The following TTN variants were observed in gnomAD, a reference collection of about 807,000 sequenced individuals.
TTN encodes connectin.
A neutral mutation model predicts 3,223.0 loss-of-function variants in TTN; 1,525 were observed. The observed-to-expected ratio is 0.47, with a 90% CI of 0.45 to 0.49. TTN has a LOEUF of 0.49. TTN is among the 20% of genes least tolerant of loss of function. The probability of loss-of-function intolerance (pLI) is 0.00; values close to 1 mark genes in which losing one functional copy is unlikely to be tolerated. For missense variants in TTN, 40,786 were observed against 43,424.0 expected (o/e 0.94, Z 5.40); for synonymous variants, 14,094 against 15,161.0 (o/e 0.93, Z 5.17).
chr2:178,688,219 C>T lies in TTN; in HGVS notation c.32203G>A (p.Ala10735Thr). ...RVEVTRHEVS[A>T]EEEWSYSEEE... is the part of the protein sequence containing the mutation. ...TCTGAGTAACTCCATTCCTCCTCTG[C>T]AGATACTTTAAAAGATAAGGTTTCA... The change falls in exon 127 of 363, where the codon GCA becomes ACA. Residue 10735 changes from alanine (A) to threonine (T), a missense_variant. Coordinates refer to ENST00000589042, the MANE Select transcript of TTN (RefSeq NM_001267550.2). 1.2e-6 allele frequency: 2 copies of T among 1,612,036 alleles called. No individual in the cohort carries two copies. The highest frequency in any genetic ancestry group is 1.7e-6 in the Non-Finnish European group (2 of 1,179,430).
At position 178,735,817 on chromosome 2, in the gene TTN, T is replaced by G. The variant is rs375193984; in HGVS notation, c.14629A>C (p.Ile4877Leu). The stretch of plus-strand genomic sequence containing the variant: ...ATGATGATCAACTCTGCTTGGCAGA[T>G]GTCTGCTCCAAACTTGTTGGAAGCC... ...CKASNKFGADICQAELIIIDK... is the reference protein window; with the variant it reads ...CKASNKFGADLCQAELIIIDK... Residue 4877 changes from isoleucine (I) to leucine (L), a missense_variant, in exon 50 of 363, where the codon ATC becomes CTC. Physicochemically the swap from Ile to Leu is conservative, Grantham distance 5. Transcript: ENST00000589042. The G allele has an allele frequency of 1.9e-6, 3 of 1,613,650 alleles. No individual in the cohort carries two copies. The highest frequency in any genetic ancestry group is 2.5e-6 in the Non-Finnish European group (3 of 1,179,804).
At chr2:178,641,168 T>G in intron 220 of TTN, 73 bp downstream of exon 220, 2 of 1,041,902 alleles carry the variant, frequency 1.9e-6, no homozygotes, top group South Asian at 3.0e-5. Context: ...CATTTATGTT[T>G]ACAAGATAAA....
Position 178,605,068 on chromosome 2 carries a change from G to A in TTN, c.54109C>T (p.Arg18037Trp), listed in dbSNP as rs201623791. The A allele has an allele frequency of 1.1e-4, 178 of 1,612,392 alleles. No individual in the cohort carries two copies. Among genetic ancestry groups the A allele is most frequent in the Non-Finnish European group, 1.3e-4 (158 of 1,179,088 alleles). The change falls in exon 280 of 363, where the codon CGG becomes TGG. Residue 18037 changes from arginine to tryptophan, a missense_variant. Coordinates refer to ENST00000589042, the MANE Select transcript of TTN (RefSeq NM_001267550.2). ...KTELSIPKAVREDKGTYTVTA... is the reference protein window; with the variant it reads ...KTELSIPKAVWEDKGTYTVTA... ...ACTGTGTAAGTGCCTTTGTCCTCCCGGACCGCTTTGGGAATGCTAAGCTCA... is the reference window on the plus strand; with the variant it reads ...ACTGTGTAAGTGCCTTTGTCCTCCCAGACCGCTTTGGGAATGCTAAGCTCA...
In TTN at chr2:178,644,586, G is replaced by A. The variant is rs748901572; in HGVS notation, c.40439C>T (p.Pro13480Leu). The change falls in exon 218 of 363, where the codon CCT becomes CTT. Residue 13480 changes from proline to leucine, a missense_variant. Transcript: ENST00000589042. ...AAGCTCCACTTTTTCTGGAACCTGA[G>A]GTTTTTCAGGAACTTTCTTCTTTGG... is the stretch of plus-strand genomic sequence containing the variant. ...AIPKKKVPEK[P>L]QVPEKVELTP... is the part of the protein sequence containing the mutation. 1 of 1,576,958 alleles carries A rather than the reference G, an allele frequency of 6.3e-7. No homozygotes were observed. Among genetic ancestry groups the A allele is most frequent in the East Asian group, 2.3e-5 (1 of 42,908 alleles).
chr2:178,755,333 A>C (rs1046229849), intron 46 of TTN, among the ~76,000 whole-genome samples: 4 of 152,184 alleles, frequency 2.6e-5, no homozygotes, highest in Non-Finnish European at 5.9e-5. Flanking sequence ...TTCCAGGAGG[A>C]TTTTAAGCCT....
intron 43 of TTN, 25 bp from the exon 44 acceptor site, chr2:178,759,197 C>A (rs1050006284): frequency 6.2e-7 from 1 of 1,613,284 alleles, no homozygotes; most frequent in Non-Finnish European, 8.5e-7. Flanking sequence ...AAAAGAGATA[C>A]TTCAACCACA....
chr2:178,559,501 C>G lies in TTN; in HGVS notation c.86631G>C (p.Val28877=), dbSNP rs765196560. 1 of 1,613,708 alleles carries G rather than the reference C, an allele frequency of 6.2e-7. No homozygotes were observed. The highest frequency in any genetic ancestry group is 2.2e-5 in the East Asian group (1 of 44,856). The change falls in exon 326 of 363, where the codon GTG becomes GTC. Residue 28877 remains valine, a synonymous_variant. Transcript: ENST00000589042. The part of the protein sequence containing the change: ...DVPENDGGAP[V]KNYHIEKREA... ...CACGTTTTTCTATGTGGTAATTCTT[C>G]ACTGGTGCTCCACCATCGTTTTCAG...
Position 178,560,071 on chromosome 2 carries a change from A to C in TTN, c.86061T>G (p.Thr28687=), listed in dbSNP as rs1060503933. 1.9e-6 allele frequency: 3 copies of C among 1,613,702 alleles called. No individual in the cohort carries two copies. The highest frequency in any genetic ancestry group is 2.5e-6 in the Non-Finnish European group (3 of 1,179,788). ...TGTCATCAGATTTTTTGTATTCTAC[A>C]GTATATCCAGTTATCGGGGCCCCAC... ...FDGGAPITGY[T]VEYKKSDDTD... Residue 28687 remains threonine (T), a synonymous_variant, in exon 326 of 363, where the codon ACT becomes ACG. Coordinates refer to ENST00000589042, the MANE Select transcript of TTN (RefSeq NM_001267550.2).
At chr2:178,705,113 A>C in intron 103 of TTN, 61 bp downstream of exon 103, 1 of 1,593,462 alleles carries the variant, frequency 6.3e-7, no homozygotes, top group Non-Finnish European at 8.6e-7. Flanking sequence ...ATTCAAAGGG[A>C]ATATGTGAGA....
chr2:178,650,729 T>C, intron 209 of TTN, 22 bp downstream of exon 209: 1 of 1,576,444 alleles, frequency 6.3e-7, no homozygotes, highest in Non-Finnish European at 8.6e-7. Flanking sequence ...GCAAGGTCAT[T>C]AATCACCGGT....
rs1313945258 is a variant in TTN at position 178,582,543 on chromosome 2, A to T, written c.65913T>A (p.Asp21971Glu). Residue 21971 changes from aspartate to glutamate, a missense_variant, in exon 314 of 363, where the codon GAT becomes GAA. Asp to Glu is a conservative substitution (Grantham distance 45). Coordinates refer to ENST00000589042, the MANE Select transcript of TTN (RefSeq NM_001267550.2). ...GCGGTTCCCAAGAAAGCATAGCACG[A>T]TCTGAATACATTTTGTTGATTTTAA... ...ASVKINKMYS[D>E]RAMLSWEPPL... 1 of 1,612,488 alleles carries T rather than the reference A, an allele frequency of 6.2e-7. No homozygotes were observed.
chr2:178,572,495 T>A lies in TTN; in HGVS notation c.73637A>T (p.Asp24546Val), dbSNP rs769744030. The A allele has an allele frequency of 1.4e-5, 23 of 1,613,162 alleles. No individual in the cohort carries two copies. Among genetic ancestry groups the A allele is most frequent in the Admixed American group, 6.7e-5 (4 of 59,960 alleles). Reference protein sequence around the residue: ...VTLTWDPPLLDGGSKIKNYIV... With the variant: ...VTLTWDPPLLVGGSKIKNYIV... ...ATAGTTCTTGATTTTTGAACCTCCATCAAGGAGAGGTGGGTCCCATGTGAG... is the reference window on the plus strand; with the variant it reads ...ATAGTTCTTGATTTTTGAACCTCCAACAAGGAGAGGTGGGTCCCATGTGAG... Residue 24546 changes from aspartate (D) to valine (V), a missense_variant, in exon 326 of 363, where the codon GAT (aspartate) becomes GTT (valine). Physicochemically the swap from Asp to Val is radical, Grantham distance 152. Coordinates refer to ENST00000589042, the MANE Select transcript of TTN (RefSeq NM_001267550.2).
Position 178,609,763 on chromosome 2 carries a change from G to A in TTN, c.51660C>T (p.Phe17220=). 1.9e-6 allele frequency: 3 copies of A among 1,612,798 alleles called. No individual in the cohort carries two copies. The highest frequency in any genetic ancestry group is 1.1e-5 in the South Asian group (1 of 91,016). Residue 17220 remains phenylalanine (F), a synonymous_variant, in exon 272 of 363, where the codon TTC becomes TTT. Coordinates refer to ENST00000589042, the MANE Select transcript of TTN (RefSeq NM_001267550.2). ...CCGCGGCGTTCTCTGCTCGCACACG[G>A]AATTGGTACTCTTTCCCCTCTTCAA... The part of the protein sequence containing the change: ...KGLEEGKEYQ[F]RVRAENAAGI...
Position 178,644,548 on chromosome 2 carries a change from C to A in TTN, c.40477G>T (p.Val13493Leu). 6.4e-7 allele frequency: 1 copy of A among 1,573,838 alleles called. No homozygotes were observed. Among genetic ancestry groups the A allele is most frequent in the Non-Finnish European group, 8.6e-7 (1 of 1,164,150 alleles). Residue 13493 changes from valine (V) to leucine (L), a missense_variant and splice_region_variant, in exon 218 of 363, where the codon GTG becomes TTG. Transcript: ENST00000589042. ...PEKVELTPLK[V>L]PGGEKKVRKL... ...ATGTATTTTTCAGCCTGTGAAATAC[C>A]TTTCAGAGGTGTAAGCTCCACTTTT...
rs767837705 is a variant in TTN at position 178,542,441 on chromosome 2, G to A, written c.97315C>T (p.Gln32439Ter). 1.9e-6 allele frequency: 3 copies of A among 1,613,656 alleles called. No individual in the cohort carries two copies. The highest frequency in any genetic ancestry group is 1.1e-5 in the South Asian group (1 of 91,082). The stretch of plus-strand genomic sequence containing the variant: ...CATCCTGGACGATGAGCGTCACGTT[G>A]TTCTACCACATAACCACTCAGTGGA... Reference protein sequence around the residue: ...GAPLSGYVVEQRDAHRPGWLP... With the variant: ...GAPLSGYVVE Residue 32439 changes from glutamine to a stop codon, truncating the protein, a stop_gained, in exon 349 of 363, where the codon CAA becomes TAA. Coordinates refer to ENST00000589042, the MANE Select transcript of TTN (RefSeq NM_001267550.2). LOFTEE classifies it high-confidence loss of function.
intron 263 of TTN, 57 bp from the exon 264 acceptor site, chr2:178,613,333 T>C (rs2056693858): frequency 3.8e-6 from 5 of 1,330,296 alleles, no homozygotes; most frequent in African/African-American, 1.5e-5. Context: ...AAGAAGCCTA[T>C]GTTTATTTTA....
Position 178,651,490 on chromosome 2 carries a change from C to G in TTN, c.39510G>C (p.Leu13170=). 1 of 1,612,866 alleles carries G rather than the reference C, an allele frequency of 6.2e-7. No individual in the cohort carries two copies. The highest frequency in any genetic ancestry group is 8.5e-7 in the Non-Finnish European group (1 of 1,179,452). The stretch of plus-strand genomic sequence containing the variant: ...GGGCTTCTGGCTTTTTGGGAACCAC[C>G]AGAGGCACCTTCTTTTCAGGAACAA... ...KEVVPEKKVP[L]VVPKKPEAPP... Residue 13170 remains leucine, a synonymous_variant, in exon 207 of 363, where the codon CTG becomes CTC. Coordinates refer to ENST00000589042, the MANE Select transcript of TTN (RefSeq NM_001267550.2).
In TTN at chr2:178,648,034, G is replaced by A. The variant is rs926184217; in HGVS notation, c.40058-570C>T. ...CCCAGTCCCCCTTTCCATTTCTGCC[G>A]CCACGGATCTTGTCCAACTCTTAAA... is the stretch of plus-strand genomic sequence containing the variant. On this transcript the variant is annotated intron_variant, in intron 213 of 362. Coordinates refer to ENST00000589042, the MANE Select transcript of TTN (RefSeq NM_001267550.2). 7.2e-5 allele frequency among the ~76,000 whole-genome samples: 11 copies of A among 152,078 alleles called. No homozygotes were observed. The East Asian group carries it at 7.8e-4, about 11-fold the overall frequency.
chr2:178,612,943 GTCT>G lies in TTN; in HGVS notation c.49775_49777del (p.Lys16592del). Reference sequence around the variant, plus strand: ...CACTCTGACCCACTCATCTGTTCCAGTCTTCAGCATTTCAATGACATAAGACTC... The same window carrying G: ...CACTCTGACCCACTCATCTGTTCCAGTCAGCATTTCAATGACATAAGACTC... On this transcript the variant is annotated inframe_deletion, in exon 265 of 363. Coordinates refer to ENST00000589042, the MANE Select transcript of TTN (RefSeq NM_001267550.2). The G allele has an allele frequency of 6.2e-7, 1 of 1,612,676 alleles. No homozygotes were observed.
Sources: gnomAD v4.1 joint callset for allele counts (sites outside exome capture counted in the v4.1 genomes callset) on GRCh38, gnomAD v4.1.1 for gene constraint, MANE v1.5 for transcripts, NCBI Gene and HGNC (gene_info 2026-07-23, HGNC 2026-07-21) for gene names.